Variants in PPM1E observed in about 807,000 individuals in gnomAD.
PPM1E encodes the protein protein phosphatase, Mg2+/Mn2+ dependent 1E.
PPM1E carries 20 observed loss-of-function variants against 65.9 expected under a neutral mutation model. The ratio of observed to expected loss-of-function variants is 0.30; its 90% CI spans 0.21 to 0.44. The LOEUF (loss-of-function observed/expected upper bound fraction) is 0.44, where lower values mean the gene tolerates loss of function less well. Among genes scored for constraint, PPM1E ranks in the 20% least tolerant of loss-of-function variants. The pLI, the probability that PPM1E is intolerant of heterozygous loss-of-function variation, is 1.00. For missense variants in PPM1E, 713 were observed against 953.1 expected, an observed-to-expected ratio of 0.75 and a Z score of 3.32; for synonymous variants, 352 against 374.9, an observed-to-expected ratio of 0.94 and a Z score of 0.70.
At chr17:58,940,362 CTAAG>C in intron 1 of PPM1E, among the ~76,000 whole-genome samples, 1 of 152,192 alleles carries the variant, frequency 6.6e-6, no homozygotes, top group East Asian at 1.9e-4. Flanking sequence ...GTTATTCATG[CTAAG>C]TGTTACAGCT....
intron 1 of PPM1E, among the ~76,000 whole-genome samples, chr17:58,829,122 A>G (rs2050572760): frequency 6.6e-6 from 1 of 151,742 alleles, no homozygotes; most frequent in Admixed American, 6.6e-5. Flanking sequence ...AGCTCACTGC[A>G]ACCTCCGCCT....
At chr17:58,775,459 T>G (rs929807119) in intron 1 of PPM1E, among the ~76,000 whole-genome samples, 2 of 152,122 alleles carry the variant, frequency 1.3e-5, no homozygotes, top group Non-Finnish European at 2.9e-5. Context: ...TTTGTTTGAT[T>G]TTGTCATAAT....
At chr17:58,923,911 CTTTTTTT>C (rs751578623) in intron 1 of PPM1E, among the ~76,000 whole-genome samples, 2 of 64,812 alleles carry the variant, frequency 3.1e-5, no homozygotes, top group East Asian at 1.0e-3. Context: ...AAGACCCCCT[CTTTTTTT>C]TTTTTTTTTT....
At chr17:58,955,610 T>A (rs1207680598) in intron 1 of PPM1E, 39 bp from the exon 2 acceptor site, 9 of 1,606,088 alleles carry the variant, frequency 5.6e-6, no homozygotes, top group African/African-American at 5.4e-5. Context: ...ACTTTCTAAT[T>A]CTTTTGCTGA....
At chr17:58,914,077 A>G (rs1206284617) in intron 1 of PPM1E, among the ~76,000 whole-genome samples, 5 of 152,204 alleles carry the variant, frequency 3.3e-5, no homozygotes. Context: ...TAAAAGCAAG[A>G]TGGAGTCAGT....
intron 1 of PPM1E, chr17:58,785,663 A>G (rs1294360374): frequency 1.3e-5 from 2 of 151,554 alleles, no homozygotes; most frequent in African/African-American, 4.9e-5. Flanking sequence ...GATAGGAGAG[A>G]AAGTACAGTA....
At chr17:58,816,790 ATATATTTTTT>A (rs2050428756) in intron 1 of PPM1E, among the ~76,000 whole-genome samples, 4 of 8,056 alleles carry the variant, frequency 5.0e-4, no homozygotes, top group South Asian at 4.6e-3. Context: ...ATATATATAT[ATATATTTTTT>A]TTTTTTTTTT....
chr17:58,967,343 T>C (rs1356192570), intron 3 of PPM1E, among the ~76,000 whole-genome samples: 1 of 152,156 alleles, frequency 6.6e-6, no homozygotes, highest in Non-Finnish European at 1.5e-5. Context: ...AAGGGAATGA[T>C]AACTATGATA....
intron 1 of PPM1E, among the ~76,000 whole-genome samples, chr17:58,855,654 T>A (rs1472565221): frequency 6.6e-6 from 1 of 152,252 alleles, no homozygotes; most frequent in Admixed American, 6.5e-5. Flanking sequence ...CAGCGAGTTT[T>A]AGGACCTACT....
chr17:58,902,951 C>T (rs2051514911), intron 1 of PPM1E, among the ~76,000 whole-genome samples: 1 of 151,916 alleles, frequency 6.6e-6, no homozygotes, highest in South Asian at 2.1e-4. Context: ...TTGAATTGCC[C>T]AACCTGGTAA....
At chr17:58,882,535 T>C (rs1167735773) in intron 1 of PPM1E, among the ~76,000 whole-genome samples, 1 of 152,008 alleles carries the variant, frequency 6.6e-6, no homozygotes, top group Non-Finnish European at 1.5e-5. Context: ...GGATTACAAG[T>C]GCGTGCCACC....
At chr17:58,925,036 A>T (rs921462574) in intron 1 of PPM1E, among the ~76,000 whole-genome samples, 1 of 152,098 alleles carries the variant, frequency 6.6e-6, no homozygotes, top group African/African-American at 2.4e-5. Flanking sequence ...CACAATAAAC[A>T]TATGTGTGCA....
intron 1 of PPM1E, among the ~76,000 whole-genome samples, chr17:58,883,413 TG>T (rs1485255735): frequency 6.6e-6 from 1 of 152,054 alleles, no homozygotes; most frequent in African/African-American, 2.4e-5. Context: ...TCTTTTCTTT[TG>T]TTAATTTTAG....
intron 1 of PPM1E, among the ~76,000 whole-genome samples, chr17:58,758,441 T>A (rs2049790466): frequency 6.6e-6 from 1 of 151,150 alleles, no homozygotes; most frequent in African/African-American, 2.4e-5. Context: ...GGCAGGAGAA[T>A]CGCTTGAACC....
intron 6 of PPM1E, among the ~76,000 whole-genome samples, chr17:58,978,543 T>C (rs560737657): frequency 6.6e-6 from 1 of 152,146 alleles, no homozygotes; most frequent in East Asian, 1.9e-4. Flanking sequence ...AAACCCCGTC[T>C]CTAATAAAAA....
intron 1 of PPM1E, among the ~76,000 whole-genome samples, chr17:58,833,103 A>G (rs367760613): frequency 9.9e-5 from 15 of 151,870 alleles, no homozygotes; most frequent in African/African-American, 3.6e-4. Flanking sequence ...CACAGTTATT[A>G]TATACAATCC....
At chr17:58,870,450 G>A (rs1335060168) in intron 1 of PPM1E, among the ~76,000 whole-genome samples, 1 of 152,136 alleles carries the variant, frequency 6.6e-6, no homozygotes, top group Non-Finnish European at 1.5e-5. Flanking sequence ...CAGGTAGTGA[G>A]CATAGTACCC....
chr17:58,879,501 CT>C (rs71367639), intron 1 of PPM1E, among the ~76,000 whole-genome samples: 1,431 of 88,744 alleles, frequency 0.016, 3 homozygotes, highest in African/African-American at 0.045. Flanking sequence ...CTGAGATTAA[CT>C]TTTTTTTTTT....
chr17:58,912,707 C>T (rs2051640803), intron 1 of PPM1E, among the ~76,000 whole-genome samples: 1 of 152,140 alleles, frequency 6.6e-6, no homozygotes, highest in African/African-American at 2.4e-5. Flanking sequence ...CCTAGTTAGC[C>T]TCAGGATGGG....
Sources: gnomAD v4.1 joint callset for allele counts (sites outside exome capture counted in the v4.1 genomes callset) on GRCh38, gnomAD v4.1.1 for gene constraint, MANE v1.5 for transcripts, NCBI Gene and HGNC (gene_info 2026-07-23, HGNC 2026-07-21) for gene names.